The following BCKDHB variants were observed in gnomAD, a reference collection of about 807,000 sequenced individuals.
The protein encoded by BCKDHB is 2-oxoisovalerate dehydrogenase subunit beta, mitochondrial.
In BCKDHB, 41 loss-of-function variants were observed where a neutral mutation model predicts 48.5. The observed-to-expected ratio is 0.85, with a 90% CI of 0.66 to 1.10. BCKDHB has a LOEUF of 1.10. Among genes scored for constraint, BCKDHB ranks in the 50% least tolerant of loss-of-function variants. The probability of loss-of-function intolerance (pLI) is 0.00; values close to 1 mark genes in which losing one functional copy is unlikely to be tolerated. For missense variants in BCKDHB, 496 were observed against 494.2 expected (o/e 1.00, Z -0.03); for synonymous variants, 201 against 174.8 (o/e 1.15, Z -1.18).
intron 7 of BCKDHB, 115 bp from the exon 8 acceptor site, chr6:80,202,987 C>A (rs1188500301): frequency 1.3e-6 from 1 of 767,574 alleles, no homozygotes; most frequent in East Asian, 2.6e-5. Context: ...ATTCTCCATG[C>A]AGATCAGTTC....
chr6:80,279,119 TCTC>T (rs949250036), intron 9 of BCKDHB, among the ~76,000 whole-genome samples: 2 of 152,018 alleles, frequency 1.3e-5, no homozygotes, highest in African/African-American at 4.8e-5. Flanking sequence ...TTTTAAACTG[TCTC>T]CTTTTTGTTT....
intron 8 of BCKDHB, among the ~76,000 whole-genome samples, chr6:80,250,065 G>A (rs1393818849): frequency 6.6e-6 from 1 of 152,140 alleles, no homozygotes; most frequent in Non-Finnish European, 1.5e-5. Context: ...CAGTGGTGTA[G>A]AGTGTGGGCT....
At chr6:80,190,800 T>C (rs1582319822) in intron 6 of BCKDHB, among the ~76,000 whole-genome samples, 4 of 152,308 alleles carry the variant, frequency 2.6e-5, no homozygotes, top group African/African-American at 9.6e-5. Context: ...AACTGTATTT[T>C]CCTCACCCCT....
At chr6:80,122,627 G>A (rs974385920) in intron 1 of BCKDHB, among the ~76,000 whole-genome samples, 1 of 152,104 alleles carries the variant, frequency 6.6e-6, no homozygotes, top group Admixed American at 6.6e-5. Flanking sequence ...AAAATTGGAG[G>A]GGGTTTAAAA....
At chr6:80,425,781 T>C in the BCKDHB span, among the ~76,000 whole-genome samples, 2 of 152,054 alleles carry the variant, frequency 1.3e-5, no homozygotes, top group South Asian at 2.1e-4. Flanking sequence ...AGGGGGATAA[T>C]GTTGTGAAAT....
chr6:80,126,176 A>G (rs1424575006), intron 1 of BCKDHB, among the ~76,000 whole-genome samples: 3 of 152,222 alleles, frequency 2.0e-5, no homozygotes, highest in Admixed American at 2.0e-4. Context: ...TTGTGGGCAC[A>G]GAGGGCAGAG....
the BCKDHB span, among the ~76,000 whole-genome samples, chr6:80,430,978 C>T: frequency 1.3e-5 from 2 of 152,144 alleles, no homozygotes; most frequent in Non-Finnish European, 2.9e-5. Flanking sequence ...TTTCCCTATA[C>T]ACTCTGCTTT....
At chr6:80,435,048 C>A in the BCKDHB span, among the ~76,000 whole-genome samples, 1 of 152,314 alleles carries the variant, frequency 6.6e-6, no homozygotes, top group Non-Finnish European at 1.5e-5. Context: ...GACTGCCAGG[C>A]TCTGTTTGGA....
chr6:80,216,793 T>C (rs923148479), intron 8 of BCKDHB, among the ~76,000 whole-genome samples: 7 of 152,238 alleles, frequency 4.6e-5, no homozygotes, highest in African/African-American at 1.7e-4. Flanking sequence ...TGGTGCTTTT[T>C]TTACGAAATT....
the BCKDHB span, among the ~76,000 whole-genome samples, chr6:80,353,539 GTT>G: frequency 0.21 from 31,188 of 151,280 alleles, 3,699 homozygotes; most frequent in South Asian, 0.37. Context: ...ACTAAAATGT[GTT>G]TTTTTTTGTC....
chr6:80,127,094 T>C (rs1770382720), intron 1 of BCKDHB, among the ~76,000 whole-genome samples: 1 of 152,098 alleles, frequency 6.6e-6, no homozygotes, highest in African/African-American at 2.4e-5. Context: ...GGTACCAAAG[T>C]TTATCTTTAC....
chr6:80,351,004 A>C (rs6921246), downstream of BCKDHB, among the ~76,000 whole-genome samples: 1 of 152,052 alleles, frequency 6.6e-6, no homozygotes, highest in South Asian at 2.1e-4. Context: ...GCTTATCCCT[A>C]AGTTATACTT....
intron 8 of BCKDHB, among the ~76,000 whole-genome samples, chr6:80,241,466 G>C (rs535673334): frequency 6.6e-6 from 1 of 152,258 alleles, no homozygotes; most frequent in East Asian, 1.9e-4. Context: ...TGATGTTGCT[G>C]CTGTTCCTTT....
chr6:80,167,342 T>C (rs1212432855), intron 3 of BCKDHB, among the ~76,000 whole-genome samples: 2 of 152,174 alleles, frequency 1.3e-5, no homozygotes, highest in African/African-American at 4.8e-5. Context: ...ACAGTTTTTA[T>C]TTTCATTGAA....
chr6:80,117,999 T>C (rs750604042), intron 1 of BCKDHB, among the ~76,000 whole-genome samples: 3 of 152,200 alleles, frequency 2.0e-5, no homozygotes, highest in Non-Finnish European at 2.9e-5. Flanking sequence ...ATGGAAATCC[T>C]CATAGACAAG....
the BCKDHB span, chr6:80,355,649 T>A: frequency 7.0e-6 from 1 of 142,036 alleles, no homozygotes; most frequent in South Asian, 2.5e-4. Flanking sequence ...ACAAATAGTA[T>A]TTTTTTAAAA....
At chr6:80,368,972 C>T in the BCKDHB span, among the ~76,000 whole-genome samples, 1 of 149,444 alleles carries the variant, frequency 6.7e-6, no homozygotes, top group Admixed American at 6.6e-5. Context: ...AAGATTGTGC[C>T]ACTGCACTCC....
chr6:80,364,236 A>G, the BCKDHB span, among the ~76,000 whole-genome samples: 1 of 152,230 alleles, frequency 6.6e-6, no homozygotes, highest in Non-Finnish European at 1.5e-5. Context: ...CCAAACCAGA[A>G]ATGAATAGAA....
chr6:80,364,891 A>G, the BCKDHB span, among the ~76,000 whole-genome samples: 8 of 152,210 alleles, frequency 5.3e-5, no homozygotes, highest in Non-Finnish European at 1.2e-4. Context: ...CAGCTGAGAA[A>G]TAAAGAGAGA....
Sources: gnomAD v4.1 joint callset for allele counts (sites outside exome capture counted in the v4.1 genomes callset) on GRCh38, gnomAD v4.1.1 for gene constraint, MANE v1.5 for transcripts, NCBI Gene and HGNC (gene_info 2026-07-23, HGNC 2026-07-21) for gene names.